The following DSTN variants were observed in gnomAD, a reference collection of about 807,000 sequenced individuals.
DSTN encodes the protein destrin, actin depolymerizing factor, also known as destrin.
In DSTN, 10 loss-of-function variants were observed where a neutral mutation model predicts 16.8. The ratio of observed to expected loss-of-function variants is 0.60; its 90% CI spans 0.37 to 1.01. The LOEUF (loss-of-function observed/expected upper bound fraction) is 1.01. DSTN is among the 50% of genes least tolerant of loss of function. DSTN has a pLI of 0.01. For missense variants in DSTN, 141 were observed against 196.7 expected (o/e 0.72, Z 1.69); for synonymous variants, 57 against 58.9 (o/e 0.97, Z 0.14).
intron 3 of DSTN, among the ~76,000 whole-genome samples, chr20:17,606,400 C>A (rs1008478351): frequency 6.6e-6 from 1 of 152,122 alleles, no homozygotes; most frequent in Non-Finnish European, 1.5e-5. Flanking sequence ...TCATTGTGAT[C>A]GATTTCATAA....
chr20:17,570,558 G>T (rs1315993159), intron 1 of DSTN, among the ~76,000 whole-genome samples: 5 of 152,182 alleles, frequency 3.3e-5, no homozygotes, highest in East Asian at 1.9e-4. Flanking sequence ...CCATCCGGGG[G>T]TCTGCACACC....
intron 1 of DSTN, chr20:17,596,730 G>A: frequency 1.0e-6 from 1 of 985,346 alleles, no homozygotes. Flanking sequence ...AACCTCCACA[G>A]ACATCACTTC....
Position 17,583,556 on chromosome 20 carries a change from A to G in DSTN, c.3+13345A>G, listed in dbSNP as rs142901731. Among the ~76,000 whole-genome samples, 503 of 152,186 alleles carry G rather than the reference A, an allele frequency of 3.3e-3. 1 individual carries two copies. The highest frequency in any genetic ancestry group is 0.011 in the African/African-American group (477 of 41,516). ...GATACATGCTACAACGTGGATGAAC[A>G]TTGAAAATATGCTAAGTGAAAGAAA... On this transcript the variant is annotated intron_variant, in intron 1 of 3. Transcript: ENST00000246069.
intron 1 of DSTN, among the ~76,000 whole-genome samples, chr20:17,575,739 G>T (rs753285444): frequency 1.3e-5 from 2 of 152,088 alleles, no homozygotes; most frequent in African/African-American, 4.8e-5. Flanking sequence ...GTTTGCACAG[G>T]CTGGTCTTGA....
chr20:17,606,400 C>T (rs1008478351), intron 3 of DSTN, among the ~76,000 whole-genome samples: 1 of 152,122 alleles, frequency 6.6e-6, no homozygotes, highest in Admixed American at 6.5e-5. Context: ...TCATTGTGAT[C>T]GATTTCATAA....
At chr20:17,603,387 A>G (rs1600713833) in intron 2 of DSTN, among the ~76,000 whole-genome samples, 2 of 152,194 alleles carry the variant, frequency 1.3e-5, no homozygotes, top group African/African-American at 4.8e-5. Context: ...CATTTCTTTC[A>G]ATGTAGTTTT....
chr20:17,574,870 G>GTTT (rs533880691), intron 1 of DSTN, among the ~76,000 whole-genome samples: 5,378 of 81,266 alleles, frequency 0.066, 865 homozygotes, highest in African/African-American at 0.17. Flanking sequence ...CTTTTCTTTT[G>GTTT]TTTTTTTTTT....
chr20:17,598,421 G>T (rs558695500), intron 1 of DSTN, among the ~76,000 whole-genome samples: 1 of 152,182 alleles, frequency 6.6e-6, no homozygotes, highest in African/African-American at 2.4e-5. Context: ...AAGTGAAGAG[G>T]TATCTCATTA....
chr20:17,574,060 T>C (rs2035238763), intron 1 of DSTN, among the ~76,000 whole-genome samples: 1 of 152,088 alleles, frequency 6.6e-6, no homozygotes, highest in Non-Finnish European at 1.5e-5. Context: ...AAAAATTAAC[T>C]GGGCATGCTG....
rs2035673304 is a variant in DSTN, at chr20:17,609,185, C to T, written c.*2039C>T. 1.3e-5 allele frequency: 2 copies of T among 152,134 alleles called. No homozygotes were observed. The highest frequency in any genetic ancestry group is 1.3e-4 in the Admixed American group (2 of 15,270). 9.4% of individuals were successfully genotyped at this position (152,134 alleles called of 1,614,324 possible). On this transcript the variant is annotated 3_prime_UTR_variant, in exon 4 of 4. Transcript: ENST00000246069. ...TCATCCTGAATTGCTTGTTTCTTTA[C>T]TTTGTAGCAATGCTTTTAGTGTGGG...
chr20:17,570,761 G>C (rs2122149942), intron 1 of DSTN, among the ~76,000 whole-genome samples: 1 of 152,374 alleles, frequency 6.6e-6, no homozygotes, highest in South Asian at 2.1e-4. Context: ...CTAACGAGCA[G>C]GATCCTGGCA....
At chr20:17,585,859 T>C (rs961806262) in intron 1 of DSTN, among the ~76,000 whole-genome samples, 1 of 152,224 alleles carries the variant, frequency 6.6e-6, no homozygotes, top group Non-Finnish European at 1.5e-5. Flanking sequence ...TCTAGCTTCT[T>C]TTCACTCAGC....
chr20:17,598,124 G>A (rs527847344), intron 1 of DSTN, among the ~76,000 whole-genome samples: 1 of 152,010 alleles, frequency 6.6e-6, no homozygotes, highest in Non-Finnish European at 1.5e-5. Context: ...TTCACTTTTG[G>A]TCTATTTTGA....
In DSTN at chr20:17,607,221, T is replaced by G. The variant is rs2035652189; in HGVS notation, c.*75T>G. On this transcript the variant is annotated 3_prime_UTR_variant, in exon 4 of 4. Coordinates refer to ENST00000246069, the MANE Select transcript of DSTN (RefSeq NM_006870.4). Reference sequence around the variant, plus strand: ...TGCTATATAAATAAAGCAAATATATTTAGGCCAGGGTCTCACTGAGGGGGA... The same window carrying G: ...TGCTATATAAATAAAGCAAATATATGTAGGCCAGGGTCTCACTGAGGGGGA... The G allele has an allele frequency of 7.7e-6, 11 of 1,422,306 alleles. No individual in the cohort carries two copies. Among genetic ancestry groups the G allele is most frequent in the Non-Finnish European group, 1.1e-5 (11 of 1,028,604 alleles). 88.1% of individuals were successfully genotyped at this position (1,422,306 alleles called of 1,614,324 possible).
At chr20:17,574,725 CAAAAAA>C (rs775060379) in intron 1 of DSTN, among the ~76,000 whole-genome samples, 4 of 52,994 alleles carry the variant, frequency 7.5e-5, no homozygotes, top group African/African-American at 2.5e-4. Flanking sequence ...GACTCAGTCT[CAAAAAA>C]AAAAAAAAAA....
At chr20:17,573,652 G>T (rs2035233472) in intron 1 of DSTN, among the ~76,000 whole-genome samples, 1 of 152,022 alleles carries the variant, frequency 6.6e-6, no homozygotes, top group Non-Finnish European at 1.5e-5. Flanking sequence ...TTAACAGCTT[G>T]TTTCTACATT....
intron 2 of DSTN, among the ~76,000 whole-genome samples, chr20:17,603,402 T>C (rs1182947373): frequency 6.6e-6 from 1 of 152,232 alleles, no homozygotes; most frequent in Non-Finnish European, 1.5e-5. Flanking sequence ...AGTTTTGTTA[T>C]AACATTGAGA....
chr20:17,599,772 C>T (rs1464503358), intron 1 of DSTN: 1 of 152,206 alleles, frequency 6.6e-6, no homozygotes, highest in Non-Finnish European at 1.5e-5. Context: ...TGTCTACAGC[C>T]ACATCTCCTG....
chr20:17,582,208 A>G (rs1164386717), intron 1 of DSTN, among the ~76,000 whole-genome samples: 1 of 150,420 alleles, frequency 6.6e-6, no homozygotes, highest in African/African-American at 2.5e-5. Flanking sequence ...TCTTCTGACT[A>G]CTGGGATTAA....
Sources: allele counts gnomAD v4.1 joint callset (sites outside exome capture counted in the v4.1 genomes callset), GRCh38; gene constraint gnomAD v4.1.1; transcripts MANE v1.5; gene names NCBI Gene and HGNC (gene_info 2026-07-23, HGNC 2026-07-21).